Variants in DGKB observed in about 807,000 individuals in gnomAD.
The protein encoded by DGKB is 90 kDa diacylglycerol kinase.
In DGKB, 67 loss-of-function variants were observed where a neutral mutation model predicts 114.3. That is an observed-to-expected ratio of 0.59 (90% CI 0.48 to 0.72). DGKB has a LOEUF of 0.72. DGKB is among the 30% of genes least tolerant of loss of function. DGKB has a pLI of 0.00. For missense variants in DGKB, 907 were observed against 975.2 expected, an observed-to-expected ratio of 0.93 and a Z score of 0.93; for synonymous variants, 398 against 323.1, an observed-to-expected ratio of 1.23 and a Z score of -2.49.
At chr7:14,624,721 C>G (rs922848194) in intron 14 of DGKB, among the ~76,000 whole-genome samples, 5 of 152,008 alleles carry the variant, frequency 3.3e-5, no homozygotes, top group African/African-American at 1.2e-4. Flanking sequence ...AAACAGGCTG[C>G]ATGTGGTGGC....
intron 1 of DGKB, among the ~76,000 whole-genome samples, chr7:14,913,212 T>C (rs1343256784): frequency 3.3e-5 from 5 of 151,946 alleles, no homozygotes; most frequent in Admixed American, 1.3e-4. Context: ...CCTTGCTTTG[T>C]TTGGCACACA....
intron 20 of DGKB, among the ~76,000 whole-genome samples, chr7:14,498,119 G>A (rs539385308): frequency 6.6e-6 from 1 of 151,910 alleles, no homozygotes; most frequent in South Asian, 2.1e-4. Context: ...ACTTAAAAAG[G>A]TATGTAATTT....
chr7:14,965,986 T>A (rs1456962466), intron 1 of DGKB, among the ~76,000 whole-genome samples: 1 of 152,094 alleles, frequency 6.6e-6, no homozygotes, highest in East Asian at 1.9e-4. Flanking sequence ...GGTTGGAGAT[T>A]TTTTTCTTTA....
chr7:14,349,761 C>T (rs2128603296), intron 21 of DGKB, among the ~76,000 whole-genome samples: 1 of 151,900 alleles, frequency 6.6e-6, no homozygotes, highest in East Asian at 1.9e-4. Context: ...TGTAGAAATG[C>T]AAAAAAGCAC....
chr7:14,939,994 A>T (rs1335949638), intron 1 of DGKB, among the ~76,000 whole-genome samples: 2 of 152,140 alleles, frequency 1.3e-5, no homozygotes, highest in African/African-American at 4.8e-5. Context: ...CTGAACAGGG[A>T]TGTAAAAACA....
At chr7:14,926,666 A>AATT (rs1373157465) in intron 1 of DGKB, among the ~76,000 whole-genome samples, 3 of 151,220 alleles carry the variant, frequency 2.0e-5, no homozygotes, top group Admixed American at 6.6e-5. Context: ...TATTCTCAAC[A>AATT]ATTATTTTTA....
At chr7:14,771,375 C>T (rs536560380) in intron 2 of DGKB, among the ~76,000 whole-genome samples, 38 of 152,154 alleles carry the variant, frequency 2.5e-4, no homozygotes, top group Admixed American at 4.6e-4. Flanking sequence ...GTCTGCATCT[C>T]GTTATTGGGC....
intron 2 of DGKB, among the ~76,000 whole-genome samples, chr7:14,837,183 A>G (rs58500374): frequency 0.13 from 19,453 of 152,260 alleles, 1,325 homozygotes; most frequent in South Asian, 0.18. Flanking sequence ...TAGGATCAGT[A>G]TTTAAACACA....
chr7:14,383,348 T>C (rs1417114415), intron 21 of DGKB, among the ~76,000 whole-genome samples: 2 of 152,232 alleles, frequency 1.3e-5, no homozygotes, highest in African/African-American at 2.4e-5. Context: ...CATCAAATGA[T>C]ATTTAGAATC....
chr7:14,649,403 T>A (rs901402889), intron 13 of DGKB, among the ~76,000 whole-genome samples: 1 of 149,720 alleles, frequency 6.7e-6, no homozygotes, highest in Non-Finnish European at 1.5e-5. Flanking sequence ...CTAAGCTTCA[T>A]AAGTGAAGGA....
chr7:14,912,153 T>C lies in DGKB; in HGVS notation c.-188+62543A>G, dbSNP rs142735301. On this transcript the variant is annotated intron_variant, in intron 1 of 4. Transcript: ENST00000437998. ...TGGACATATATTAGATGAACCGGAA[T>C]CTCTCTCTAGAAATTTAAGCTTTCT... Among the ~76,000 whole-genome samples the C allele has an allele frequency of 1.4e-4, 21 of 152,248 alleles. No homozygotes were observed. In the East Asian group the frequency reaches 4.1e-3, roughly 29 times the overall value.
At chr7:14,741,553 G>A (rs1348933637) in intron 4 of DGKB, among the ~76,000 whole-genome samples, 1 of 152,116 alleles carries the variant, frequency 6.6e-6, no homozygotes, top group Non-Finnish European at 1.5e-5. Flanking sequence ...ATCAATCCTG[G>A]CTTAGGGAAT....
chr7:14,905,250 T>TTG (rs1783633072), upstream of DGKB, among the ~76,000 whole-genome samples: 1 of 150,220 alleles, frequency 6.7e-6, no homozygotes. Context: ...GTTAGTTTTT[T>TTG]TTTTTTTTTT....
intron 4 of DGKB, among the ~76,000 whole-genome samples, chr7:14,737,935 G>C (rs1831992924): frequency 6.6e-6 from 1 of 151,186 alleles, no homozygotes; most frequent in South Asian, 2.1e-4. Context: ...TAGTAGTAGA[G>C]TGAACTATAT....
intron 5 of DGKB, among the ~76,000 whole-genome samples, chr7:14,727,762 T>C (rs1315774237): frequency 2.0e-5 from 3 of 152,164 alleles, no homozygotes; most frequent in African/African-American, 4.8e-5. Context: ...CTGAAATAAC[T>C]GATCAGTTAT....
At chr7:14,213,116 A>T (rs974271036) in intron 23 of DGKB, among the ~76,000 whole-genome samples, 5 of 152,116 alleles carry the variant, frequency 3.3e-5, no homozygotes, top group African/African-American at 1.2e-4. Context: ...TTTATAAAAA[A>T]ATGGTAACAC....
intron 20 of DGKB, among the ~76,000 whole-genome samples, chr7:14,538,708 T>C (rs549622841): frequency 1.3e-5 from 2 of 152,286 alleles, no homozygotes; most frequent in Admixed American, 6.5e-5. Flanking sequence ...TTATTCACAA[T>C]AGCCAAGACA....
At position 14,651,020 on chromosome 7, in the gene DGKB, A is replaced by C. The variant is rs1357365089; in HGVS notation, c.1135-20752T>G. 4.6e-5 allele frequency among the ~76,000 whole-genome samples: 7 copies of C among 152,078 alleles called. No homozygotes were observed. In the East Asian group the frequency reaches 1.3e-3, roughly 29 times the overall value. ...GCAATAATCAATAGCTTACCAACCA[A>C]AAAGAGTCCAGCACCAGATGGATTC... On this transcript the variant is annotated intron_variant, in intron 13 of 25. Coordinates refer to ENST00000402815, the MANE Select transcript of DGKB (RefSeq NM_001350709.2).
intron 21 of DGKB, among the ~76,000 whole-genome samples, chr7:14,466,288 G>A (rs1287012411): frequency 6.6e-6 from 1 of 152,194 alleles, no homozygotes. Flanking sequence ...GCCAGGTGTG[G>A]TGGCTCATGC....
Sources: allele counts gnomAD v4.1 joint callset (sites outside exome capture counted in the v4.1 genomes callset), GRCh38; gene constraint gnomAD v4.1.1; transcripts MANE v1.5; gene names NCBI Gene and HGNC (gene_info 2026-07-23, HGNC 2026-07-21).